SCN10A: variants seen among roughly 807,000 people sequenced by gnomAD.
The protein encoded by SCN10A is sodium channel protein type 10 subunit alpha.
In SCN10A, 162 loss-of-function variants were observed where a neutral mutation model predicts 170.7. The observed-to-expected ratio is 0.95, with a 90% CI of 0.84 to 1.08. The LOEUF (loss-of-function observed/expected upper bound fraction) is 1.08, where lower values mean the gene tolerates loss of function less well. Ranked by LOEUF, SCN10A falls within the 50% of genes least tolerant of loss-of-function variation. SCN10A has a pLI of 0.00. For synonymous variants in SCN10A, 985 were observed against 904.6 expected (o/e 1.09, Z -1.59); for missense variants, 2,527 against 2,436.9 (o/e 1.04, Z -0.78).
chr3:38,742,144 C>T, intron 14 of SCN10A, 147 bp downstream of exon 14: 1 of 640,844 alleles, frequency 1.6e-6, no homozygotes, highest in Non-Finnish European at 2.8e-6. Flanking sequence ...GTCCACATGT[C>T]TCCTGCACTG....
rs6796459 is a variant in SCN10A at position 38,714,286 on chromosome 3, T to A, written c.3682-206A>T. Among the ~76,000 whole-genome samples the A allele has an allele frequency of 0.071, 10,785 of 152,212 alleles. 1,084 individuals are homozygous for A. The highest frequency in any genetic ancestry group is 0.22 in the African/African-American group (9,059 of 41,506). On this transcript the variant is annotated intron_variant, in intron 21 of 27. Coordinates refer to ENST00000449082, the MANE Select transcript of SCN10A (RefSeq NM_006514.4). ...TTAAAAATTTTATTCACCACTCTCT[T>A]AAACAATCTGGGCAAGAAAAACTCA...
rs866875773 is a variant in SCN10A at position 38,812,767 on chromosome 3, C to T, written c.-33+3270G>A. 2.6e-4 allele frequency among the ~76,000 whole-genome samples: 40 copies of T among 152,196 alleles called. 1 individual carries two copies. Among genetic ancestry groups the T allele is most frequent in the Admixed American group, 2.4e-3 (37 of 15,284 alleles). Reference sequence around the variant, plus strand: ...GTCTACCCACCGCTGGGCATGGTAGCTCACACCTGTAATCCCATCATTTTG... The same window carrying T: ...GTCTACCCACCGCTGGGCATGGTAGTTCACACCTGTAATCCCATCATTTTG... On this transcript the variant is annotated intron_variant, in intron 1 of 27. Coordinates refer to ENST00000449082, the MANE Select transcript of SCN10A (RefSeq NM_006514.4).
chr3:38,788,626 G>C (rs9875610), intron 4 of SCN10A, among the ~76,000 whole-genome samples: 2 of 150,000 alleles, frequency 1.3e-5, no homozygotes, highest in Admixed American at 6.7e-5. Context: ...GTGTTGGGGG[G>C]GGGTGGGGGC....
chr3:38,698,378 T>C lies in SCN10A; in HGVS notation c.4842A>G (p.Leu1614=). 2 of 1,614,042 alleles carry C rather than the reference T, an allele frequency of 1.2e-6. No homozygotes were observed. Among genetic ancestry groups the C allele is most frequent in the South Asian group, 1.1e-5 (1 of 91,074 alleles). ...TAGAGTAGATGAACATGACAAGGAA[T>C]AGCAACAGCCCGATGTTGAAGAGGG... ...LPALFNIGLL[L]FLVMFIYSIF... is the part of the protein sequence containing the mutation. The change falls in exon 28 of 28, where the codon CTA becomes CTG. Residue 1614 remains leucine, a synonymous_variant. Coordinates refer to ENST00000449082, the MANE Select transcript of SCN10A (RefSeq NM_006514.4).
chr3:38,806,584 A>G (rs1448835073), intron 1 of SCN10A, among the ~76,000 whole-genome samples: 1 of 152,124 alleles, frequency 6.6e-6, no homozygotes. Context: ...TCATTTCTGT[A>G]ATTTGTAAAC....
intron 4 of SCN10A, among the ~76,000 whole-genome samples, chr3:38,774,910 G>T (rs775181872): frequency 6.6e-6 from 1 of 152,070 alleles, no homozygotes; most frequent in Non-Finnish European, 1.5e-5. Flanking sequence ...GAATCTGGAG[G>T]CATATTACAG....
Position 38,742,292 on chromosome 3 carries a change from A to C in SCN10A, c.2105T>G (p.Ile702Ser), listed in dbSNP as rs147482520. The C allele has an allele frequency of 7.5e-6, 12 of 1,608,244 alleles. No individual in the cohort carries two copies. In the African/African-American group the frequency reaches 1.5e-4, roughly 20 times the overall value. ...GGCAGTACCAGCCAGAGCACTCACGATGTTGCCTATCTGGAGCATGGCTTC... is the reference window on the plus strand; with the variant it reads ...GGCAGTACCAGCCAGAGCACTCACGCTGTTGCCTATCTGGAGCATGGCTTC... ...TFEAMLQIGN[I>S]VFTIFFTAEM... is the part of the protein sequence containing the mutation. Residue 702 changes from isoleucine (I) to serine (S), a missense_variant and splice_region_variant, in exon 14 of 28, where the codon ATC (isoleucine) becomes AGC (serine). Transcript: ENST00000449082.
chr3:38,788,216 C>CAAAAAAAAAAAAA (rs561959910), intron 4 of SCN10A, among the ~76,000 whole-genome samples: 1 of 97,840 alleles, frequency 1.0e-5, no homozygotes, highest in Non-Finnish European at 2.0e-5. Flanking sequence ...TTATGATTAG[C>CAAAAAAAAAAAAA]AAAAAAAAAA....
intron 17 of SCN10A, among the ~76,000 whole-genome samples, chr3:38,726,177 G>A (rs2063452340): frequency 1.3e-5 from 2 of 152,236 alleles, no homozygotes; most frequent in Non-Finnish European, 2.9e-5. Flanking sequence ...TCATTTCCCT[G>A]TGATACCACT....
At position 38,727,850 on chromosome 3, in the gene SCN10A, G is replaced by C. The variant is rs2063473777; in HGVS notation, c.2640+692C>G. ...GAGACAAGCTGAGGGCAGGGGGCCA[G>C]GCTGGGGCGGAGAAGGGGTATTGGG... On this transcript the variant is annotated intron_variant, in intron 16 of 27. Coordinates refer to ENST00000449082, the MANE Select transcript of SCN10A (RefSeq NM_006514.4). Among the ~76,000 whole-genome samples the C allele has an allele frequency of 4.6e-5, 7 of 152,280 alleles. No individual in the cohort carries two copies. The South Asian group carries it at 1.5e-3, about 32-fold the overall frequency.
In SCN10A at chr3:38,739,679, T is replaced by C. The variant is rs763611276; in HGVS notation, c.2116A>G (p.Ile706Val). The change falls in exon 15 of 28, where the codon ATA (isoleucine) becomes GTA (valine). Residue 706 changes from isoleucine (I) to valine (V), a missense_variant. By Grantham distance (29) the Ile-to-Val change is conservative. Transcript: ENST00000449082. ...MLQIGNIVFT[I>V]FFTAEMVFKI... ...AAGACCATTTCAGCAGTAAAAAATA[T>C]GGTAAAGACCTAGGAGTGGAAACAA... is the stretch of plus-strand genomic sequence containing the variant. 5.0e-6 allele frequency: 8 copies of C among 1,613,658 alleles called. No individual in the cohort carries two copies. The highest frequency in any genetic ancestry group is 3.3e-5 in the Admixed American group (2 of 59,986).
At chr3:38,794,271 C>G (rs2064323430) in intron 1 of SCN10A, among the ~76,000 whole-genome samples, 1 of 152,086 alleles carries the variant, frequency 6.6e-6, no homozygotes, top group African/African-American at 2.4e-5. Context: ...TCTTTGCTCC[C>G]CATGTGCTTC....
At chr3:38,784,647 G>A (rs2064176987) in intron 4 of SCN10A, among the ~76,000 whole-genome samples, 1 of 152,104 alleles carries the variant, frequency 6.6e-6, no homozygotes, top group South Asian at 2.1e-4. Flanking sequence ...TCAGGCAAGA[G>A]AAAGAAATAA....
intron 13 of SCN10A, among the ~76,000 whole-genome samples, chr3:38,749,728 T>C (rs1245832608): frequency 6.6e-6 from 1 of 152,216 alleles, no homozygotes; most frequent in African/African-American, 2.4e-5. Context: ...AAATTAAGGA[T>C]GGTTAAATTT....
chr3:38,705,062 G>T (rs2063195787), intron 26 of SCN10A, among the ~76,000 whole-genome samples: 1 of 152,220 alleles, frequency 6.6e-6, no homozygotes, highest in Non-Finnish European at 1.5e-5. Flanking sequence ...CCATTTGGAT[G>T]CTGGTCAGGA....
At chr3:38,737,651 A>G (rs2063579223) in intron 15 of SCN10A, among the ~76,000 whole-genome samples, 1 of 152,096 alleles carries the variant, frequency 6.6e-6, no homozygotes, top group African/African-American at 2.4e-5. Flanking sequence ...TATTAAAGAC[A>G]TTTGCACAAA....
rs1175162314 is a variant in SCN10A at position 38,761,267 on chromosome 3, C to T, written c.808G>A (p.Gly270Ser). 2 of 1,613,710 alleles carry T rather than the reference C, an allele frequency of 1.2e-6. No homozygotes were observed. Among genetic ancestry groups the T allele is most frequent in the African/African-American group, 1.3e-5 (1 of 74,848 alleles). Residue 270 changes from glycine to serine, a missense_variant, in exon 7 of 28, where the codon GGC (glycine) becomes AGC (serine). Gly to Ser is a moderately conservative substitution (Grantham distance 56). Transcript: ENST00000449082. The part of the protein sequence containing the change: ...FALVGLQLFK[G>S]NLKNKCVKND... ...TTGACACATTTATTTTTGAGGTTGCCCTTGAAGAGTTGCAGCCCCACCAAG... is the reference window on the plus strand; with the variant it reads ...TTGACACATTTATTTTTGAGGTTGCTCTTGAAGAGTTGCAGCCCCACCAAG...
In SCN10A at chr3:38,739,700, AACAAGCTTTCATC is replaced by A. The variant is rs1371264135; in HGVS notation, c.2107-25_2107-13del. ...AATATGGTAAAGACCTAGGAGTGGA[AACAAGCTTTCATC>A]ACAGTGGGATCTGTGGGGTCGGAGG... is the stretch of plus-strand genomic sequence containing the variant. On this transcript the variant is annotated splice_polypyrimidine_tract_variant and intron_variant, in intron 14 of 27. Coordinates refer to ENST00000449082, the MANE Select transcript of SCN10A (RefSeq NM_006514.4). 1 of 1,606,626 alleles carries A rather than the reference AACAAGCTTTCATC, an allele frequency of 6.2e-7. No homozygotes were observed. Among genetic ancestry groups the A allele is most frequent in the Non-Finnish European group, 8.5e-7 (1 of 1,174,160 alleles).
rs918935055 is a variant in SCN10A, at chr3:38,816,076, A to C, written c.-72T>G. The C allele has an allele frequency of 6.6e-6, 1 of 152,220 alleles. No individual in the cohort carries two copies. Among genetic ancestry groups the C allele is most frequent in the Non-Finnish European group, 1.5e-5 (1 of 68,028 alleles). 9.4% of individuals were successfully genotyped at this position (152,220 alleles called of 1,614,324 possible). On this transcript the variant is annotated 5_prime_UTR_variant, in exon 1 of 28. Coordinates refer to ENST00000449082, the MANE Select transcript of SCN10A (RefSeq NM_006514.4). ...CTTGCTTGTCTTCTACGTAAGAAAT[A>C]TCTTCTCTTCTATCCCAGATTGCCT...
Sources: gnomAD v4.1 joint callset for allele counts (sites outside exome capture counted in the v4.1 genomes callset) on GRCh38, gnomAD v4.1.1 for gene constraint, MANE v1.5 for transcripts, NCBI Gene and HGNC (gene_info 2026-07-23, HGNC 2026-07-21) for gene names.